The following MCC variants were observed in gnomAD, a reference collection of about 807,000 sequenced individuals.
The protein encoded by MCC is colorectal mutant cancer protein.
Under a neutral mutation model 116.2 loss-of-function variants are expected in MCC, and 90 were observed. The ratio of observed to expected loss-of-function variants is 0.77; its 90% CI spans 0.65 to 0.92. MCC has a LOEUF of 0.92. Among genes scored for constraint, MCC ranks in the 40% least tolerant of loss-of-function variants. MCC has a pLI of 0.00. For synonymous variants in MCC, 578 were observed against 510.5 expected (o/e 1.13, Z -1.78); for missense variants, 1,516 against 1,312.2 (o/e 1.16, Z -2.40).
At chr5:113,163,931 A>C (rs1299463977) in intron 3 of MCC, among the ~76,000 whole-genome samples, 1 of 152,232 alleles carries the variant, frequency 6.6e-6, no homozygotes, top group Non-Finnish European at 1.5e-5. Flanking sequence ...ATCTCTGTGT[A>C]GTGTGATTAC....
Position 113,229,697 on chromosome 5 carries a change from A to G in MCC, c.628-78275T>C, listed in dbSNP as rs138011204. ...AACGGTGGTCCTGTAAGATTGTAAT[A>G]CCACATTTTTACTATACCTTTTCTA... is the stretch of plus-strand genomic sequence containing the variant. On this transcript the variant is annotated intron_variant, in intron 3 of 18. Transcript: ENST00000408903. Among the ~76,000 whole-genome samples, 189 of 152,362 alleles carry G rather than the reference A, an allele frequency of 1.2e-3. 1 individual carries two copies. The highest frequency in any genetic ancestry group is 4.2e-3 in the African/African-American group (176 of 41,574).
intron 3 of MCC, among the ~76,000 whole-genome samples, chr5:113,233,841 T>C (rs1276722883): frequency 6.6e-6 from 1 of 152,218 alleles, no homozygotes; most frequent in Non-Finnish European, 1.5e-5. Context: ...GTCTAACAGA[T>C]GGTCTAGGAT....
At chr5:113,139,411 A>G (rs1759041704) in intron 5 of MCC, among the ~76,000 whole-genome samples, 1 of 152,168 alleles carries the variant, frequency 6.6e-6, no homozygotes, top group African/African-American at 2.4e-5. Flanking sequence ...CTATCAATAA[A>G]GTCGTCATCG....
intron 1 of MCC, among the ~76,000 whole-genome samples, chr5:113,441,545 C>T (rs967960804): frequency 1.1e-4 from 17 of 152,132 alleles, no homozygotes; most frequent in Middle Eastern, 3.4e-3. Flanking sequence ...GGTACATGTG[C>T]GGAACGTGCA....
chr5:113,117,875 A>G (rs1357742500), intron 6 of MCC, among the ~76,000 whole-genome samples: 3 of 152,272 alleles, frequency 2.0e-5, no homozygotes, highest in Admixed American at 1.3e-4. Context: ...CTTCACTATT[A>G]AGCCAGGTGC....
intron 12 of MCC, 89 bp downstream of exon 12, chr5:113,071,005 T>G: frequency 2.0e-6 from 3 of 1,477,008 alleles, no homozygotes; most frequent in Non-Finnish European, 1.8e-6. Flanking sequence ...ATATGCCTTC[T>G]AAAAGCCTAT....
rs70973676 is a variant in MCC at position 113,220,063 on chromosome 5, C to CTTTTTTT, written c.628-68648_628-68642dup. Among the ~76,000 whole-genome samples the CTTTTTTT allele has an allele frequency of 4.1e-5, 3 of 73,702 alleles. 1 individual carries two copies. Among genetic ancestry groups the CTTTTTTT allele is most frequent in the Non-Finnish European group, 1.1e-4 (3 of 26,292 alleles). 48.4% of individuals were successfully genotyped at this position (73,702 alleles called of 152,430 possible). ...GGAATCTGCATGTCAATTTCTTTTTCTTTTTTTTTTTTGAGACGGAGTCTT... is the reference window on the plus strand; with the variant it reads ...GGAATCTGCATGTCAATTTCTTTTTCTTTTTTTTTTTTTTTTTTTGAGACGGAGTCTT... On this transcript the variant is annotated intron_variant, in intron 3 of 18. Transcript: ENST00000408903.
At chr5:113,339,726 T>C (rs1767964394) in intron 3 of MCC, among the ~76,000 whole-genome samples, 1 of 152,214 alleles carries the variant, frequency 6.6e-6, no homozygotes, top group South Asian at 2.1e-4. Flanking sequence ...GTGTCAGAAT[T>C]AGAAAGTGTG....
In MCC at chr5:113,169,553, G is replaced by A. The variant is rs367822136; in HGVS notation, c.628-18131C>T. 3.3e-5 allele frequency among the ~76,000 whole-genome samples: 5 copies of A among 152,252 alleles called. No individual in the cohort carries two copies. In the East Asian group the frequency reaches 9.7e-4, roughly 29 times the overall value. ...AAGTAAAGGTTGTTCTTGAAAAAAT[G>A]TTCTCTCATTAAGACCCAGTCAAAC... On this transcript the variant is annotated intron_variant, in intron 3 of 18. Transcript: ENST00000408903.
chr5:113,333,820 CATATATGTATATATGTAT>C (rs1767770299), intron 3 of MCC, among the ~76,000 whole-genome samples: 5 of 85,542 alleles, frequency 5.8e-5, no homozygotes, highest in South Asian at 6.0e-4. Context: ...TATATATGTA[CATATATGTATATATGTAT>C]ATATGTATAT....
intron 1 of MCC, chr5:113,433,820 C>A (rs1297906733): frequency 6.2e-7 from 1 of 1,613,994 alleles, no homozygotes; most frequent in Admixed American, 1.7e-5. Context: ...AACCCAGGAT[C>A]TCCGACTGCC....
chr5:113,452,043 C>T (rs1020849403), intron 1 of MCC, among the ~76,000 whole-genome samples: 8 of 152,178 alleles, frequency 5.3e-5, no homozygotes, highest in Non-Finnish European at 7.3e-5. Context: ...CCACATGTCC[C>T]GTCAATCCTC....
At chr5:113,400,052 T>G (rs1769637993) in intron 1 of MCC, 1 of 151,982 alleles carries the variant, frequency 6.6e-6, no homozygotes, top group Admixed American at 6.6e-5. Context: ...CTATAGTTCT[T>G]TTACATGTGA....
intron 3 of MCC, among the ~76,000 whole-genome samples, chr5:113,225,463 T>C (rs1763698387): frequency 6.6e-6 from 1 of 152,152 alleles, no homozygotes; most frequent in South Asian, 2.1e-4. Context: ...TTACTAAACT[T>C]TCTCTGGGCC....
intron 4 of MCC, among the ~76,000 whole-genome samples, chr5:113,145,820 G>GATATCCT (rs1759483472): frequency 6.7e-6 from 1 of 148,374 alleles, no homozygotes; most frequent in African/African-American, 2.5e-5. Flanking sequence ...GACCCTGTGG[G>GATATCCT]GCTGCCCAGG....
intron 3 of MCC, among the ~76,000 whole-genome samples, chr5:113,218,490 TAAGTGTATTAGGGTTTTCTCCTCCTTCAC>T (rs1364212439): frequency 6.6e-6 from 1 of 152,170 alleles, no homozygotes; most frequent in African/African-American, 2.4e-5. Flanking sequence ...AATAATCAGT[TAAGTGTATTAGGGTTTTCTCCTCCTTCAC>T]TACAAATCCC....
At chr5:113,102,913 C>G (rs955545047) in intron 7 of MCC, among the ~76,000 whole-genome samples, 1 of 152,036 alleles carries the variant, frequency 6.6e-6, no homozygotes, top group African/African-American at 2.4e-5. Flanking sequence ...GTCAGGAGTT[C>G]AAGACCAGCC....
At chr5:113,231,307 T>C (rs568651835) in intron 3 of MCC, among the ~76,000 whole-genome samples, 2 of 152,308 alleles carry the variant, frequency 1.3e-5, no homozygotes, top group South Asian at 2.1e-4. Flanking sequence ...TCCAACTCTT[T>C]AATTTAGGAG....
In MCC at chr5:113,134,639, G is replaced by A. The variant is rs563808733; in HGVS notation, c.884+8579C>T. ...TCTATTTCTGTGAAGCATGACATTGGTATTTTGATAGGGATTACATTGACT... is the reference window on the plus strand; with the variant it reads ...TCTATTTCTGTGAAGCATGACATTGATATTTTGATAGGGATTACATTGACT... On this transcript the variant is annotated intron_variant, in intron 5 of 18. Coordinates refer to ENST00000408903, the MANE Select transcript of MCC (RefSeq NM_001085377.2). Among the ~76,000 whole-genome samples, 54 of 139,178 alleles carry A rather than the reference G, an allele frequency of 3.9e-4. No individual in the cohort carries two copies. In the Middle Eastern group the frequency reaches 0.019, roughly 50 times the overall value. 91.3% of individuals were successfully genotyped at this position (139,178 alleles called of 152,430 possible).
Sources: gnomAD v4.1 joint callset for allele counts (sites outside exome capture counted in the v4.1 genomes callset) on GRCh38, gnomAD v4.1.1 for gene constraint, MANE v1.5 for transcripts, NCBI Gene and HGNC (gene_info 2026-07-23, HGNC 2026-07-21) for gene names.